The following LPA variants were observed in gnomAD, a reference collection of about 807,000 sequenced individuals.
LPA encodes apolipoprotein(a).
LPA carries 199 observed loss-of-function variants against 197.9 expected under a neutral mutation model. The observed-to-expected ratio is 1.01, with a 90% CI of 0.90 to 1.13. The LOEUF (loss-of-function observed/expected upper bound fraction) is 1.13, where lower values mean the gene tolerates loss of function less well. Among genes scored for constraint, LPA ranks in the 50% most tolerant of loss-of-function variants. LPA has a pLI of 0.00. For synonymous variants in LPA, 715 were observed against 639.5 expected (o/e 1.12, Z -1.78); for missense variants, 1,853 against 1,785.8 (o/e 1.04, Z -0.68).
chr6:160,585,309 A>C, intron 25 of LPA, 104 bp from the exon 26 acceptor site: 1 of 1,055,424 alleles, frequency 9.5e-7, no homozygotes, highest in Non-Finnish European at 1.5e-6. Context: ...AACAATTTAC[A>C]CTCTTCTATA....
chr6:160,575,010 C>A (rs1243866636), intron 28 of LPA, among the ~76,000 whole-genome samples: 1 of 152,188 alleles, frequency 6.6e-6, no homozygotes, highest in East Asian at 1.9e-4. Context: ...GATGAGAAGG[C>A]ATCAGTCATT....
intron 1 of LPA, among the ~76,000 whole-genome samples, chr6:160,658,867 TAGG>T (rs4063600): frequency 0.59 from 86,928 of 147,666 alleles, 25,189 homozygotes; most frequent in Middle Eastern, 0.67. Context: ...ACAGAACTAA[TAGG>T]AGATTATATA....
At chr6:160,660,231 C>T (rs1211248724) in intron 1 of LPA, among the ~76,000 whole-genome samples, 1 of 142,062 alleles carries the variant, frequency 7.0e-6, no homozygotes, top group African/African-American at 2.7e-5. Flanking sequence ...CTCTTCCCTC[C>T]CTATCAGCAT....
rs1405183116 is a variant in LPA at position 160,582,967 on chromosome 6, T to C, written c.4289+2079A>G. On this transcript the variant is annotated intron_variant, in intron 26 of 38. Transcript: ENST00000316300. ...TCATCTGTACTATCTAATATGATTA[T>C]AAGGCCATGTAGTGATTTTCTCATT... 2.0e-5 allele frequency among the ~76,000 whole-genome samples: 3 copies of C among 152,160 alleles called. 1 individual carries two copies. Among genetic ancestry groups the C allele is most frequent in the Non-Finnish European group, 4.4e-5 (3 of 68,000 alleles).
rs562408745 is a variant in LPA at position 160,597,998 on chromosome 6, G to T, written c.3287+1502C>A. Reference sequence around the variant, plus strand: ...GAGATTTGCTTTTCAGCTTTGCTAGGTTTTTTCTGGAGCTGCCTTTATTCT... The same window carrying T: ...GAGATTTGCTTTTCAGCTTTGCTAGTTTTTTTCTGGAGCTGCCTTTATTCT... On this transcript the variant is annotated intron_variant, in intron 20 of 38. Coordinates refer to ENST00000316300, the MANE Select transcript of LPA (RefSeq NM_005577.4). 5.9e-5 allele frequency among the ~76,000 whole-genome samples: 9 copies of T among 152,286 alleles called. No homozygotes were observed. The East Asian group carries it at 1.2e-3, about 20-fold the overall frequency.
At position 160,531,574 on chromosome 6, in the gene LPA, A is replaced by T. The variant is rs1371932895; in HGVS notation, c.*155T>A. ...TTTGTCAGTCAGACCTTAAAAGCTT[A>T]TACACAAAAATACCAAAAATGCCAA... On this transcript the variant is annotated 3_prime_UTR_variant, in exon 39 of 39. Transcript: ENST00000316300. 3.3e-6 allele frequency: 3 copies of T among 922,126 alleles called. No individual in the cohort carries two copies. The highest frequency in any genetic ancestry group is 1.7e-6 in the Non-Finnish European group (1 of 580,580). 57.1% of individuals were successfully genotyped at this position (922,126 alleles called of 1,614,324 possible).
At chr6:160,557,615 A>G in intron 28 of LPA, 44 bp from the exon 29 acceptor site, 1 of 1,551,130 alleles carries the variant, frequency 6.4e-7, no homozygotes, top group Non-Finnish European at 8.9e-7. Context: ...GCGGGAAAAA[A>G]TTCAGGGGCA....
intron 28 of LPA, among the ~76,000 whole-genome samples, chr6:160,574,366 C>A (rs780744902): frequency 1.2e-4 from 19 of 152,158 alleles, no homozygotes; most frequent in South Asian, 4.1e-4. Context: ...GTCCTTCCCC[C>A]ACCTGTGAAG....
Position 160,548,609 on chromosome 6 carries a change from C to T in LPA, c.5024G>A (p.Trp1675Ter). 6.2e-7 allele frequency: 1 copy of T among 1,614,102 alleles called. No homozygotes were observed. The highest frequency in any genetic ancestry group is 1.7e-4 in the Middle Eastern group (1 of 6,058). Residue 1675 changes from tryptophan to a stop codon, truncating the protein, a stop_gained, in exon 31 of 39, where the codon TGG becomes TAG. Coordinates refer to ENST00000316300, the MANE Select transcript of LPA (RefSeq NM_005577.4). LOFTEE classifies it high-confidence loss of function. ...CRNPDADTGP[W>*]CFTMDPSIRW... ...GATGCTGGGGTCCATGGTAAAACAC[C>T]AAGGGCCTGTATCGGCATCTGGATT... is the stretch of plus-strand genomic sequence containing the variant.
intron 29 of LPA, among the ~76,000 whole-genome samples, chr6:160,557,000 C>T (rs567173723): frequency 1.1e-4 from 17 of 152,238 alleles, no homozygotes; most frequent in Non-Finnish European, 1.3e-4. Flanking sequence ...ACAAACTCAG[C>T]GGCCACATAC....
Position 160,585,102 on chromosome 6 carries a change from A to G in LPA, c.4233T>C (p.Ser1411=). 6.2e-7 allele frequency: 1 copy of G among 1,613,880 alleles called. No individual in the cohort carries two copies. The highest frequency in any genetic ancestry group is 8.5e-7 in the Non-Finnish European group (1 of 1,179,818). The change falls in exon 26 of 39, where the codon TCT becomes TCC. Residue 1411 remains serine (S), a synonymous_variant. Coordinates refer to ENST00000316300, the MANE Select transcript of LPA (RefSeq NM_005577.4). ...GCCAATGTGGTGTCATAGACGACCAAGACTGACATGTTCTTCCTGTGATAG... is the reference window on the plus strand; with the variant it reads ...GCCAATGTGGTGTCATAGACGACCAGGACTGACATGTTCTTCCTGTGATAG... The part of the protein sequence containing the change: ...STTITGRTCQ[S]WSSMTPHWHR...
chr6:160,545,867 G>T (rs1778061574), intron 32 of LPA, among the ~76,000 whole-genome samples: 1 of 152,096 alleles, frequency 6.6e-6, no homozygotes, highest in South Asian at 2.1e-4. Flanking sequence ...GATGAGCTTT[G>T]TCCCTGGGGC....
intron 28 of LPA, among the ~76,000 whole-genome samples, chr6:160,564,133 T>G (rs1460433277): frequency 6.6e-6 from 1 of 152,188 alleles, no homozygotes; most frequent in Non-Finnish European, 1.5e-5. Flanking sequence ...ATTTTGCCCA[T>G]TAGTTGATGC....
intron 16 of LPA, among the ~76,000 whole-genome samples, chr6:160,608,866 T>G (rs1489657359): frequency 6.6e-6 from 1 of 151,716 alleles, no homozygotes; most frequent in Non-Finnish European, 1.5e-5. Flanking sequence ...TTTGCGTGGG[T>G]GTGTATGGGT....
chr6:160,586,887 C>G (rs1030608788), intron 24 of LPA, among the ~76,000 whole-genome samples: 1 of 152,102 alleles, frequency 6.6e-6, no homozygotes, highest in Admixed American at 6.5e-5. Flanking sequence ...TCAATGTGTA[C>G]CAGAAAGGAT....
intron 21 of LPA, among the ~76,000 whole-genome samples, chr6:160,594,869 C>T (rs1207853166): frequency 6.6e-6 from 1 of 152,140 alleles, no homozygotes; most frequent in African/African-American, 2.4e-5. Context: ...CTATGTACTG[C>T]TACCTGGACC....
chr6:160,590,683 CT>C (rs1779007802), intron 23 of LPA, among the ~76,000 whole-genome samples: 1 of 152,104 alleles, frequency 6.6e-6, no homozygotes, highest in Non-Finnish European at 1.5e-5. Flanking sequence ...CTGAAATAAT[CT>C]ATTGAATAAC....
Position 160,589,536 on chromosome 6 carries a change from A to G in LPA, c.3947+17T>C, listed in dbSNP as rs1218234264. The G allele has an allele frequency of 6.2e-7, 1 of 1,612,576 alleles. No individual in the cohort carries two copies. Among genetic ancestry groups the G allele is most frequent in the African/African-American group, 1.3e-5 (1 of 74,858 alleles). On this transcript the variant is annotated intron_variant, in intron 24 of 38. Transcript: ENST00000316300. ...AGTGGGTGGCTGTTTCTCTTGGGAG[A>G]AAACTCAAAGACATACCCATTTGGG...
chr6:160,646,853 A>C (rs1247862973), intron 2 of LPA, among the ~76,000 whole-genome samples: 1 of 150,928 alleles, frequency 6.6e-6, no homozygotes, highest in Admixed American at 6.6e-5. Flanking sequence ...GTTGCAACGA[A>C]CATGTAGTTC....
Sources: allele counts gnomAD v4.1 joint callset (sites outside exome capture counted in the v4.1 genomes callset), GRCh38; gene constraint gnomAD v4.1.1; transcripts MANE v1.5; gene names NCBI Gene and HGNC (gene_info 2026-07-23, HGNC 2026-07-21).